SEMA3D: variants seen among roughly 807,000 people sequenced by gnomAD.
The protein encoded by SEMA3D is semaphorin-3D.
In SEMA3D, 84 loss-of-function variants were observed where a neutral mutation model predicts 100.1. The ratio of observed to expected loss-of-function variants is 0.84; its 90% CI spans 0.70 to 1.01. The LOEUF (loss-of-function observed/expected upper bound fraction) is 1.01, where lower values mean the gene tolerates loss of function less well. SEMA3D is among the 50% of genes least tolerant of loss of function. The pLI is 0.00. For missense variants in SEMA3D, 875 were observed against 934.1 expected, an observed-to-expected ratio of 0.94 and a Z score of 0.82; for synonymous variants, 312 against 320.7, an observed-to-expected ratio of 0.97 and a Z score of 0.29.
chr7:85,166,121 T>A (rs1790897742), intron 1 of SEMA3D, among the ~76,000 whole-genome samples: 1 of 152,030 alleles, frequency 6.6e-6, no homozygotes, highest in Non-Finnish European at 1.5e-5. Context: ...TGTTCTTACT[T>A]TATTTACTAC....
intron 1 of SEMA3D, among the ~76,000 whole-genome samples, chr7:85,172,308 A>G (rs535744350): frequency 6.6e-6 from 1 of 152,136 alleles, no homozygotes. Flanking sequence ...ACCCAAAAGC[A>G]AAAGAGACAA....
At chr7:85,060,580 A>G (rs890146530) in intron 8 of SEMA3D, among the ~76,000 whole-genome samples, 17 of 152,168 alleles carry the variant, frequency 1.1e-4, no homozygotes, top group African/African-American at 3.9e-4. Flanking sequence ...GCATTTTCAG[A>G]TGAACTTCTA....
chr7:85,081,340 T>A (rs1788058601), intron 5 of SEMA3D, among the ~76,000 whole-genome samples, 177 bp downstream of exon 5: 1 of 152,176 alleles, frequency 6.6e-6, no homozygotes, highest in South Asian at 2.1e-4. Context: ...ATAAATAATA[T>A]CATGGCTTTT....
At chr7:85,248,744 G>C in the SEMA3D span, among the ~76,000 whole-genome samples, 1 of 151,954 alleles carries the variant, frequency 6.6e-6, no homozygotes, top group African/African-American at 2.4e-5. Context: ...AATACTGTAT[G>C]ATTCTAATAA....
At chr7:85,189,292 T>C (rs1791642619), upstream of SEMA3D, among the ~76,000 whole-genome samples, 1 of 152,120 alleles carries the variant, frequency 6.6e-6, no homozygotes, top group Non-Finnish European at 1.5e-5. Context: ...ACAGTAGAAA[T>C]AATGTTAATA....
intron 2 of SEMA3D, among the ~76,000 whole-genome samples, chr7:85,148,284 C>G (rs1258873461): frequency 1.3e-5 from 2 of 152,098 alleles, no homozygotes; most frequent in Non-Finnish European, 2.9e-5. Context: ...TTTTCACTTA[C>G]AAAACAACTT....
chr7:85,026,543 T>A (rs1790395405), intron 12 of SEMA3D, among the ~76,000 whole-genome samples: 2 of 152,088 alleles, frequency 1.3e-5, no homozygotes, highest in Admixed American at 1.3e-4. Flanking sequence ...TCCTGCATCA[T>A]ACTCTGTAGT....
chr7:85,133,462 T>TAA (rs1186960561), intron 2 of SEMA3D, among the ~76,000 whole-genome samples: 1 of 152,000 alleles, frequency 6.6e-6, no homozygotes, highest in Non-Finnish European at 1.5e-5. Context: ...ATCTCAGAAG[T>TAA]TGACTTGAAA....
chr7:85,142,075 T>G (rs1439276052), intron 2 of SEMA3D: 1 of 984,564 alleles, frequency 1.0e-6, no homozygotes, highest in Admixed American at 6.2e-5. Flanking sequence ...TTCTGTGAAC[T>G]ATACAGAAGT....
the SEMA3D span, among the ~76,000 whole-genome samples, chr7:85,228,689 T>C: frequency 6.6e-6 from 1 of 152,112 alleles, no homozygotes; most frequent in Non-Finnish European, 1.5e-5. Flanking sequence ...CTTTATCTTA[T>C]CTCATCTGTT....
chr7:85,139,245 A>C (rs1789971935), intron 2 of SEMA3D, among the ~76,000 whole-genome samples: 1 of 152,074 alleles, frequency 6.6e-6, no homozygotes, highest in Non-Finnish European at 1.5e-5. Flanking sequence ...TGAAATCTTC[A>C]CAGGAATCAG....
At chr7:85,184,861 G>A (rs1233875969) in intron 1 of SEMA3D, among the ~76,000 whole-genome samples, 1 of 152,146 alleles carries the variant, frequency 6.6e-6, no homozygotes, top group Non-Finnish European at 1.5e-5. Flanking sequence ...CGTCTTATCC[G>A]CTGGGGCGAG....
the SEMA3D span, among the ~76,000 whole-genome samples, chr7:85,206,965 A>T: frequency 0.014 from 2,172 of 152,152 alleles, 45 homozygotes; most frequent in African/African-American, 0.05. Context: ...ATTCCTCATT[A>T]ACAGATTTAA....
intron 15 of SEMA3D, among the ~76,000 whole-genome samples, chr7:85,017,065 C>T (rs1790124762): frequency 6.6e-6 from 1 of 151,856 alleles, no homozygotes; most frequent in South Asian, 2.1e-4. Context: ...ATGATCCATA[C>T]TCTAATTGTA....
the SEMA3D span, among the ~76,000 whole-genome samples, chr7:85,235,094 T>C: frequency 6.6e-6 from 1 of 152,230 alleles, no homozygotes; most frequent in Non-Finnish European, 1.5e-5. Flanking sequence ...CACTGCTCAG[T>C]AGCACCTCTG....
At chr7:85,009,233 T>C (rs1789884930) in intron 17 of SEMA3D, among the ~76,000 whole-genome samples, 2 of 151,778 alleles carry the variant, frequency 1.3e-5, no homozygotes, top group South Asian at 4.1e-4. Context: ...AATACCTCTT[T>C]ATAATAAATA....
chr7:85,088,155 ATTG>A (rs1417663697), intron 4 of SEMA3D, among the ~76,000 whole-genome samples: 12 of 152,178 alleles, frequency 7.9e-5, no homozygotes, highest in Non-Finnish European at 1.2e-4. Context: ...ATCCCTAACA[ATTG>A]TTGTTTCACT....
At chr7:85,084,711 G>A (rs1788168062) in intron 4 of SEMA3D, among the ~76,000 whole-genome samples, 1 of 151,776 alleles carries the variant, frequency 6.6e-6, no homozygotes, top group African/African-American at 2.4e-5. Flanking sequence ...CTTCACCCAG[G>A]TATTAAGCCT....
chr7:85,202,320 G>A, the SEMA3D span, among the ~76,000 whole-genome samples: 3 of 149,884 alleles, frequency 2.0e-5, no homozygotes, highest in Admixed American at 1.3e-4. Flanking sequence ...TTGGTTTTTT[G>A]TTCCTGCGAT....
Sources: gnomAD v4.1 joint callset for allele counts (sites outside exome capture counted in the v4.1 genomes callset) on GRCh38, gnomAD v4.1.1 for gene constraint, MANE v1.5 for transcripts, NCBI Gene and HGNC (gene_info 2026-07-23, HGNC 2026-07-21) for gene names.